The following ARRDC4 variants were observed in gnomAD, a reference collection of about 807,000 sequenced individuals.
The protein encoded by ARRDC4 is arrestin domain-containing protein 4.
Under a neutral mutation model 44.6 loss-of-function variants are expected in ARRDC4, and 40 were observed. The observed-to-expected ratio is 0.90, with a 90% CI of 0.70 to 1.17. The LOEUF (loss-of-function observed/expected upper bound fraction) is 1.17, where lower values mean the gene tolerates loss of function less well. Among genes scored for constraint, ARRDC4 ranks in the 50% most tolerant of loss-of-function variants. The pLI, the probability that ARRDC4 is intolerant of heterozygous loss-of-function variation, is 0.00. For missense variants in ARRDC4, 550 were observed against 559.1 expected (o/e 0.98, Z 0.16); for synonymous variants, 211 against 221.2 (o/e 0.95, Z 0.41).
Position 97,967,663 on chromosome 15 carries a change from A to T in ARRDC4, c.523-351A>T, listed in dbSNP as rs190917776. On this transcript the variant is annotated intron_variant, in intron 3 of 7. Coordinates refer to ENST00000268042, the MANE Select transcript of ARRDC4 (RefSeq NM_183376.3). This position sits in a 1 kb window ranked among gnomAD's most constrained non-coding sequence, Gnocchi z 5.0. ...TCCTTCCACCTGACTTTTATATATA[A>T]AGTCTTAAAAATAATTCTGTCATGT... Among the ~76,000 whole-genome samples, 384 of 152,236 alleles carry T rather than the reference A, an allele frequency of 2.5e-3. 2 individuals are homozygous for T. The highest frequency in any genetic ancestry group is 4.0e-3 in the Non-Finnish European group (274 of 68,020).
chr15:97,960,785 C>A lies in ARRDC4; in HGVS notation c.-77C>A, dbSNP rs1211259447. On this transcript the variant is annotated 5_prime_UTR_variant, in exon 1 of 8. Transcript: ENST00000268042. ...CTTACCCTGCCGCGAGCGCCTGTGA[C>A]AGCGGCGCCGCTGTGCTCGCGACCC... is the stretch of plus-strand genomic sequence containing the variant. 1 of 1,225,618 alleles carries A rather than the reference C, an allele frequency of 8.2e-7. No homozygotes were observed. The highest frequency in any genetic ancestry group is 1.0e-6 in the Non-Finnish European group (1 of 976,448). 75.9% of individuals were successfully genotyped at this position (1,225,618 alleles called of 1,614,324 possible).
In ARRDC4 at chr15:97,961,056, C is replaced by T. The variant is rs1210452929; in HGVS notation, c.195C>T (p.Ala65=). 3 of 1,425,084 alleles carry T rather than the reference C, an allele frequency of 2.1e-6. No homozygotes were observed. Among genetic ancestry groups the T allele is most frequent in the Admixed American group, 2.9e-5 (1 of 34,778 alleles). 88.3% of individuals were successfully genotyped at this position (1,425,084 alleles called of 1,614,324 possible). A position where few individuals can be genotyped will look rare whatever the true frequency, so the allele number is the denominator to read the frequency against. Residue 65 remains alanine, a synonymous_variant, in exon 1 of 8, where the codon GCC becomes GCT. Transcript: ENST00000268042. ...TGGAGGCCCAGGGGCGCGCCACCGC[C>T]GCCTGGGGCCCGAGCACCTGCCCCC... The part of the protein sequence containing the change: ...LRLEAQGRAT[A]AWGPSTCPRA...
In ARRDC4 at chr15:97,965,463, A is replaced by T; in HGVS notation, c.308-137A>T. ...CACCCCCCTTCAAACTTAATTCTCT[A>T]CATTTGTTTAATGAACTTTTGGAGT... On this transcript the variant is annotated intron_variant, in intron 1 of 7. Transcript: ENST00000268042. The surrounding 1 kb of genome is among the most constrained non-coding windows in gnomAD (Gnocchi z 5.1). The T allele has an allele frequency of 1.4e-6, 1 of 701,934 alleles. No individual in the cohort carries two copies. The highest frequency in any genetic ancestry group is 2.6e-5 in the East Asian group (1 of 37,796). 43.5% of individuals were successfully genotyped at this position (701,934 alleles called of 1,614,324 possible).
At position 97,971,121 on chromosome 15, in the gene ARRDC4, T is replaced by A. The variant is rs1345290740; in HGVS notation, c.1201-10T>A. 2 of 1,613,076 alleles carry A rather than the reference T, an allele frequency of 1.2e-6. No homozygotes were observed. The highest frequency in any genetic ancestry group is 1.7e-6 in the Non-Finnish European group (2 of 1,179,196). ...TACAACACTAATCTCAGTCCGCTCT[T>A]TTTTTGCAGGTTGACCCACATCCTA... On this transcript the variant is annotated splice_polypyrimidine_tract_variant and intron_variant, in intron 7 of 7. Coordinates refer to ENST00000268042, the MANE Select transcript of ARRDC4 (RefSeq NM_183376.3).
chr15:97,963,034 C>T (rs1277091851), intron 1 of ARRDC4, among the ~76,000 whole-genome samples: 3 of 152,136 alleles, frequency 2.0e-5, no homozygotes, highest in African/African-American at 7.2e-5. Context: ...AGAAAACAAG[C>T]CAGAATCAGA....
Position 97,971,913 on chromosome 15 carries a change from G to T in ARRDC4, c.*726G>T, listed in dbSNP as rs1899522112. 6.6e-6 allele frequency: 1 copy of T among 152,360 alleles called. No homozygotes were observed. Among genetic ancestry groups the T allele is most frequent in the African/African-American group, 2.4e-5 (1 of 41,412 alleles). The allele number at this position is 152,360 out of a possible 1,614,324, so 9.4% of individuals were successfully genotyped here. On this transcript the variant is annotated 3_prime_UTR_variant, in exon 8 of 8. Transcript: ENST00000268042. Reference sequence around the variant, plus strand: ...GTGAAAACACGTTTTGTTGAGGGCTGTACTTTTTACCCCCTTTAAGTGCTT... The same window carrying T: ...GTGAAAACACGTTTTGTTGAGGGCTTTACTTTTTACCCCCTTTAAGTGCTT...
At position 97,971,563 on chromosome 15, in the gene ARRDC4, G is replaced by A. The variant is rs1899516244; in HGVS notation, c.*376G>A. 4.1e-6 allele frequency: 1 copy of A among 243,594 alleles called. No individual in the cohort carries two copies. The highest frequency in any genetic ancestry group is 8.1e-6 in the Non-Finnish European group (1 of 123,182). 15.1% of individuals were successfully genotyped at this position (243,594 alleles called of 1,614,324 possible). ...GTGAAGAGTGGAACGAAGGCGATAT[G>A]AACTGAAGGGGTGAAGACTTGATTT... On this transcript the variant is annotated 3_prime_UTR_variant, in exon 8 of 8. Coordinates refer to ENST00000268042, the MANE Select transcript of ARRDC4 (RefSeq NM_183376.3).
chr15:97,971,096 T>C (rs373181086), intron 7 of ARRDC4, 35 bp from the exon 8 acceptor site: 37 of 1,606,908 alleles, frequency 2.3e-5, no homozygotes, highest in Non-Finnish European at 2.6e-5. Context: ...TAAATAATGC[T>C]ACAACACTAA....
chr15:97,971,302 G>GA lies in ARRDC4; in HGVS notation c.*116dup. 9.5e-7 allele frequency: 1 copy of GA among 1,050,856 alleles called. No homozygotes were observed. Among genetic ancestry groups the GA allele is most frequent in the Non-Finnish European group, 1.4e-6 (1 of 699,674 alleles). The allele number at this position is 1,050,856 out of a possible 1,614,324, so 65.1% of individuals were successfully genotyped here. A position where few individuals can be genotyped will look rare whatever the true frequency, so the allele number is the denominator to read the frequency against. On this transcript the variant is annotated 3_prime_UTR_variant, in exon 8 of 8. Coordinates refer to ENST00000268042, the MANE Select transcript of ARRDC4 (RefSeq NM_183376.3). ...ACTTGAAAACATAAATGAACGTCAA[G>GA]ACTGAAGGCAATAGAAATTAAAGAA... is the stretch of plus-strand genomic sequence containing the variant.
chr15:97,969,409 G>A (rs765304035), intron 5 of ARRDC4, 30 bp downstream of exon 5: 13 of 1,605,670 alleles, frequency 8.1e-6, no homozygotes, highest in African/African-American at 1.3e-5. Flanking sequence ...AAAAAAAAAT[G>A]TGTATGATGG....
In ARRDC4 at chr15:97,970,063, TCTTTC is replaced by T; in HGVS notation, c.1045+19_1045+23del. The T allele has an allele frequency of 5.0e-6, 8 of 1,599,872 alleles. No individual in the cohort carries two copies. The highest frequency in any genetic ancestry group is 6.8e-6 in the Non-Finnish European group (8 of 1,168,966). ...GCCTGAAGGTAAAATATGTTGGCGT[TCTTTC>T]ATAACGAAGCTTTACCTAGAAAATA... On this transcript the variant is annotated intron_variant, in intron 6 of 7. Coordinates refer to ENST00000268042, the MANE Select transcript of ARRDC4 (RefSeq NM_183376.3). This position sits in a 1 kb window ranked among gnomAD's most constrained non-coding sequence, Gnocchi z 4.2.
rs1028084303 is a variant in ARRDC4 at position 97,966,970 on chromosome 15, C to T, written c.522+928C>T. Among the ~76,000 whole-genome samples, 9 of 152,212 alleles carry T rather than the reference C, an allele frequency of 5.9e-5. No individual in the cohort carries two copies. Among genetic ancestry groups the T allele is most frequent in the Admixed American group, 3.3e-4 (5 of 15,292 alleles). ...GAAGTTGTTGTTTAAGTCTTATTTT[C>T]GCATGAGAAAGAAATAGAATTTAAT... On this transcript the variant is annotated intron_variant, in intron 3 of 7. Coordinates refer to ENST00000268042, the MANE Select transcript of ARRDC4 (RefSeq NM_183376.3). The surrounding 1 kb of genome is among the most constrained non-coding windows in gnomAD (Gnocchi z 4.7).
chr15:97,961,044 G>A lies in ARRDC4; in HGVS notation c.183G>A (p.Gly61=), dbSNP rs1299785292. Residue 61 remains glycine, a synonymous_variant, in exon 1 of 8, where the codon GGG becomes GGA. Coordinates refer to ENST00000268042, the MANE Select transcript of ARRDC4 (RefSeq NM_183376.3). The stretch of plus-strand genomic sequence containing the variant: ...GCGCGCTGCGCCTGGAGGCCCAGGG[G>A]CGCGCCACCGCCGCCTGGGGCCCGA... The part of the protein sequence containing the change: ...ALRALRLEAQ[G]RATAAWGPST... The A allele has an allele frequency of 1.4e-6, 2 of 1,430,248 alleles. No individual in the cohort carries two copies. The highest frequency in any genetic ancestry group is 1.8e-6 in the Non-Finnish European group (2 of 1,096,716). The allele number at this position is 1,430,248 out of a possible 1,614,324, so 88.6% of individuals were successfully genotyped here.
At position 97,973,355 on chromosome 15, in the gene ARRDC4, A is replaced by C. The variant is rs948853015; in HGVS notation, c.*2168A>C. 4 of 152,600 alleles carry C rather than the reference A, an allele frequency of 2.6e-5. No homozygotes were observed. In the East Asian group the frequency reaches 7.7e-4, roughly 29 times the overall value. 9.5% of individuals were successfully genotyped at this position (152,600 alleles called of 1,614,324 possible). ...AAGTGAAACTATCTCTGTAGGACTT[A>C]AGAGAATAGCTAAAAGGTGTGACTT... On this transcript the variant is annotated 3_prime_UTR_variant, in exon 8 of 8. Transcript: ENST00000268042.
rs1899454643 is a variant in ARRDC4, at chr15:97,968,397, T to C, written c.625+281T>C. 6.6e-6 allele frequency among the ~76,000 whole-genome samples: 1 copy of C among 152,204 alleles called. No individual in the cohort carries two copies. The highest frequency in any genetic ancestry group is 6.5e-5 in the Admixed American group (1 of 15,272). On this transcript the variant is annotated intron_variant, in intron 4 of 7. Transcript: ENST00000268042. This position sits in a 1 kb window ranked among gnomAD's most constrained non-coding sequence, Gnocchi z 5.4. The stretch of plus-strand genomic sequence containing the variant: ...AGAAAATGCCAGCATCTGATTTTAA[T>C]GTTGCAAAAGAATCTCCAGGGTTGT...
In ARRDC4 at chr15:97,965,673, G is replaced by A. The variant is rs1479249632; in HGVS notation, c.374+7G>A. ...GCTTTCAACTTCCATCTGAGTAAGTGAAACACTACAATTTTGTGGTTATCC... is the reference window on the plus strand; with the variant it reads ...GCTTTCAACTTCCATCTGAGTAAGTAAAACACTACAATTTTGTGGTTATCC... On this transcript the variant is annotated splice_region_variant and intron_variant, in intron 2 of 7. Transcript: ENST00000268042. The surrounding 1 kb of genome is among the most constrained non-coding windows in gnomAD (Gnocchi z 5.1). The A allele has an allele frequency of 1.2e-6, 2 of 1,611,498 alleles. No individual in the cohort carries two copies. The highest frequency in any genetic ancestry group is 2.2e-5 in the East Asian group (1 of 44,864).
At chr15:97,964,362 T>C (rs936488636) in intron 1 of ARRDC4, among the ~76,000 whole-genome samples, 1 of 152,212 alleles carries the variant, frequency 6.6e-6, no homozygotes, top group Non-Finnish European at 1.5e-5. Flanking sequence ...CAGAGTTCTG[T>C]CTCTGTGTTC....
At position 97,969,408 on chromosome 15, in the gene ARRDC4, T is replaced by A. The variant is rs375134157; in HGVS notation, c.882+29T>A. On this transcript the variant is annotated intron_variant, in intron 5 of 7. Transcript: ENST00000268042. ...AGCAAAGCTCTTTTTTAAAAAAAAA[T>A]GTGTATGATGGACAATAACTGATGT... 103 of 1,605,802 alleles carry A rather than the reference T, an allele frequency of 6.4e-5. 1 individual carries two copies. The African/African-American group carries it at 1.2e-3, about 18-fold the overall frequency.
rs1181672567 is a variant in ARRDC4 at position 97,970,602 on chromosome 15, T to C, written c.1059T>C (p.Tyr353=). 24 of 1,611,814 alleles carry C rather than the reference T, an allele frequency of 1.5e-5. No individual in the cohort carries two copies. The highest frequency in any genetic ancestry group is 2.0e-5 in the Non-Finnish European group (23 of 1,179,024). ...TTTCTATTTCAGCACCACCAAATTA[T>C]GCAGATGTGGTATCAGAGGAAGAAT... ...LPEQPEAPPN[Y]ADVVSEEEFS... Residue 353 remains tyrosine, a synonymous_variant, in exon 7 of 8, where the codon TAT becomes TAC. Coordinates refer to ENST00000268042, the MANE Select transcript of ARRDC4 (RefSeq NM_183376.3). The surrounding 1 kb of genome is among the most constrained non-coding windows in gnomAD (Gnocchi z 4.2).
Sources: gnomAD v4.1 joint callset for allele counts (sites outside exome capture counted in the v4.1 genomes callset) on GRCh38, gnomAD v4.1.1 for gene constraint, Gnocchi (gnomAD v3.1) non-coding constraint, MANE v1.5 for transcripts, NCBI Gene and HGNC (gene_info 2026-07-23, HGNC 2026-07-21) for gene names.